BRD10: variants seen among roughly 807,000 people sequenced by gnomAD.
The protein encoded by BRD10 is uncharacterized bromodomain-containing protein 10.
At chr9:5,882,826 G>T in the BRD10 span, among the ~76,000 whole-genome samples, 1 of 151,904 alleles carries the variant, frequency 6.6e-6, no homozygotes, top group African/African-American at 2.4e-5. Context: ...ATACTATGCA[G>T]CCATAAAAAA....
the BRD10 span, among the ~76,000 whole-genome samples, chr9:5,913,701 C>G: frequency 1.3e-5 from 2 of 152,066 alleles, no homozygotes; most frequent in African/African-American, 4.8e-5. Context: ...AAACACAAAT[C>G]AGAAAATTGA....
At chr9:5,895,646 A>C in the BRD10 span, among the ~76,000 whole-genome samples, 2,094 of 152,302 alleles carry the variant, frequency 0.014, 43 homozygotes, top group African/African-American at 0.043. Context: ...CATCCATGGA[A>C]CTTGTTAAAA....
chr9:5,969,120 C>A, the BRD10 span: 1 of 1,613,854 alleles, frequency 6.2e-7, no homozygotes, highest in Admixed American at 1.7e-5. Flanking sequence ...CTCAGCGCTG[C>A]TTCCCAGGTC....
At chr9:5,897,144 TTAG>T in the BRD10 span, among the ~76,000 whole-genome samples, 1 of 152,240 alleles carries the variant, frequency 6.6e-6, no homozygotes, top group African/African-American at 2.4e-5. Context: ...CACCTGGCTT[TTAG>T]TAGATGAGTC....
At chr9:5,989,585 G>A in the BRD10 span, among the ~76,000 whole-genome samples, 5 of 147,148 alleles carry the variant, frequency 3.4e-5, no homozygotes, top group Non-Finnish European at 7.4e-5. Context: ...CACCCAGGCT[G>A]GGGTGCAGTG....
chr9:5,937,918 A>G, the BRD10 span, among the ~76,000 whole-genome samples: 1 of 152,204 alleles, frequency 6.6e-6, no homozygotes, highest in Non-Finnish European at 1.5e-5. Context: ...CCAGTCATAT[A>G]TATCTGGTTC....
chr9:5,947,861 A>T, the BRD10 span, among the ~76,000 whole-genome samples: 5 of 152,248 alleles, frequency 3.3e-5, no homozygotes, highest in Non-Finnish European at 7.4e-5. Flanking sequence ...TTTTTTAAAA[A>T]AGCAAAACAC....
chr9:6,003,317 A>C, the BRD10 span, among the ~76,000 whole-genome samples: 2 of 152,224 alleles, frequency 1.3e-5, no homozygotes, highest in Non-Finnish European at 2.9e-5. Flanking sequence ...GTTTTCAAAA[A>C]TATCATCATT....
the BRD10 span, chr9:5,908,592 C>G: frequency 6.7e-7 from 1 of 1,481,620 alleles, no homozygotes; most frequent in Non-Finnish European, 9.4e-7. Context: ...TTCCTAGAAA[C>G]ACATACACTG....
the BRD10 span, chr9:5,921,021 T>G: frequency 3.4e-5 from 55 of 1,613,802 alleles, no homozygotes; most frequent in Non-Finnish European, 3.7e-5. Flanking sequence ...AAAGATAAAT[T>G]TGCTCCGGTA....
At chr9:5,913,975 T>C in the BRD10 span, 1 of 450,814 alleles carries the variant, frequency 2.2e-6, no homozygotes, top group Non-Finnish European at 4.4e-6. Context: ...AAAGAAGCAC[T>C]TTCTGCTATC....
the BRD10 span, among the ~76,000 whole-genome samples, chr9:5,912,027 AAT>A: frequency 6.6e-6 from 1 of 152,166 alleles, no homozygotes; most frequent in Admixed American, 6.5e-5. Flanking sequence ...GTAAACATTG[AAT>A]ATCTTTCTGT....
the BRD10 span, among the ~76,000 whole-genome samples, chr9:5,915,981 A>G: frequency 4.6e-5 from 7 of 152,240 alleles, no homozygotes; most frequent in South Asian, 4.2e-4. Context: ...ATTTTTAACT[A>G]TATGTTTCTC....
chr9:5,943,005 G>A, the BRD10 span, among the ~76,000 whole-genome samples: 1 of 152,082 alleles, frequency 6.6e-6, no homozygotes, highest in Non-Finnish European at 1.5e-5. Context: ...AGCCTCCTTA[G>A]AAGCTGGGAC....
chr9:5,894,754 C>T, the BRD10 span, among the ~76,000 whole-genome samples: 1 of 152,132 alleles, frequency 6.6e-6, no homozygotes. This position sits in a 1 kb window ranked among gnomAD's most constrained non-coding sequence, Gnocchi z 4.0. Context: ...CTTCTTGATG[C>T]CCCAGGTTTG....
chr9:5,969,332 G>T, the BRD10 span: 1 of 1,613,324 alleles, frequency 6.2e-7, no homozygotes, highest in South Asian at 1.1e-5. Flanking sequence ...TTCCCACATG[G>T]TCTCCATACA....
At chr9:5,932,822 T>A in the BRD10 span, among the ~76,000 whole-genome samples, 4 of 152,212 alleles carry the variant, frequency 2.6e-5, no homozygotes, top group African/African-American at 4.8e-5. Context: ...AAAGAAGACA[T>A]AGATTATCTT....
At chr9:5,987,838 A>G in the BRD10 span, among the ~76,000 whole-genome samples, 1 of 152,220 alleles carries the variant, frequency 6.6e-6, no homozygotes, top group African/African-American at 2.4e-5. Flanking sequence ...TTGAAAAGTT[A>G]TATAAATGCC....
the BRD10 span, chr9:5,968,419 A>G: frequency 6.2e-7 from 1 of 1,612,674 alleles, no homozygotes; most frequent in East Asian, 2.2e-5. Flanking sequence ...CTGGACTAAG[A>G]GGCTCTCCAA....
Sources: gnomAD v4.1 joint callset for allele counts (sites outside exome capture counted in the v4.1 genomes callset) on GRCh38, gnomAD v4.1.1 for gene constraint, Gnocchi (gnomAD v3.1) non-coding constraint, MANE v1.5 for transcripts, NCBI Gene and HGNC (gene_info 2026-07-23, HGNC 2026-07-21) for gene names.